CPED1: variants seen among roughly 807,000 people sequenced by gnomAD.
The protein encoded by CPED1 is cadherin-like and PC-esterase domain-containing protein 1.
CPED1 carries 114 observed loss-of-function variants against 128.2 expected under a neutral mutation model. The ratio of observed to expected loss-of-function variants is 0.89; its 90% CI spans 0.76 to 1.04. CPED1 has a LOEUF of 1.04. Ranked by LOEUF, CPED1 falls within the 50% of genes least tolerant of loss-of-function variation. The probability of loss-of-function intolerance (pLI) is 0.00; values close to 1 mark genes in which losing one functional copy is unlikely to be tolerated. For missense variants in CPED1, 1,211 were observed against 1,207.1 expected (o/e 1.00, Z -0.05); for synonymous variants, 462 against 426.7 (o/e 1.08, Z -1.02).
chr7:121,071,713 T>C (rs1345323146), intron 5 of CPED1, among the ~76,000 whole-genome samples: 1 of 152,038 alleles, frequency 6.6e-6, no homozygotes, highest in Non-Finnish European at 1.5e-5. Flanking sequence ...ACTTGTCACT[T>C]GGGTTAATTT....
intron 5 of CPED1, among the ~76,000 whole-genome samples, chr7:121,090,565 A>G (rs1794548466): frequency 6.6e-6 from 1 of 152,246 alleles, no homozygotes; most frequent in Admixed American, 6.5e-5. Flanking sequence ...ATTCTGTACT[A>G]ATATACCTTT....
At chr7:121,014,424 GCCTGTAGTC>G (rs947788552) in intron 2 of CPED1, among the ~76,000 whole-genome samples, 1 of 151,862 alleles carries the variant, frequency 6.6e-6, no homozygotes, top group Non-Finnish European at 1.5e-5. Context: ...GGTGGCGGGT[GCCTGTAGTC>G]CCAGCTACTT....
intron 16 of CPED1, among the ~76,000 whole-genome samples, chr7:121,212,277 C>A (rs749525332): frequency 3.9e-5 from 6 of 151,964 alleles, no homozygotes; most frequent in Non-Finnish European, 8.8e-5. Context: ...TGGCTAAGGA[C>A]TGAATTGCAA....
At chr7:121,215,868 C>T (rs1339082008) in intron 16 of CPED1, among the ~76,000 whole-genome samples, 1 of 151,838 alleles carries the variant, frequency 6.6e-6, no homozygotes, top group African/African-American at 2.4e-5. Flanking sequence ...TTTGGCCAAG[C>T]AAGTATTAAG....
chr7:121,005,441 C>G (rs1174961523), intron 2 of CPED1, among the ~76,000 whole-genome samples: 1 of 151,294 alleles, frequency 6.6e-6, no homozygotes, highest in Non-Finnish European at 1.5e-5. Context: ...GGGTATATAC[C>G]CAGTAATGGG....
intron 5 of CPED1, among the ~76,000 whole-genome samples, chr7:121,089,411 A>T (rs2116179025): frequency 6.6e-6 from 1 of 152,338 alleles, no homozygotes; most frequent in South Asian, 2.1e-4. Context: ...TTATTATACC[A>T]AAAATACCAG....
intron 16 of CPED1, among the ~76,000 whole-genome samples, chr7:121,171,919 T>C (rs796353170): frequency 1.6e-4 from 25 of 152,376 alleles, no homozygotes; most frequent in African/African-American, 6.0e-4. Flanking sequence ...ACTATGACTT[T>C]GGAATCTGGA....
chr7:121,228,285 A>G (rs1304078181), intron 16 of CPED1, among the ~76,000 whole-genome samples: 2 of 152,032 alleles, frequency 1.3e-5, no homozygotes, highest in East Asian at 3.9e-4. Context: ...AACTCAAACA[A>G]CAAGTGAAAA....
chr7:121,075,100 A>G (rs10953925), intron 5 of CPED1, among the ~76,000 whole-genome samples: 59,289 of 151,976 alleles, frequency 0.39, 12,538 homozygotes, highest in Non-Finnish European at 0.49. Flanking sequence ...CAGCATTACT[A>G]GAGGTACTTT....
chr7:121,101,764 G>C (rs1563026204), intron 7 of CPED1, among the ~76,000 whole-genome samples: 1 of 152,076 alleles, frequency 6.6e-6, no homozygotes, highest in African/African-American at 2.4e-5. Flanking sequence ...CACATAGTGA[G>C]AGAGGGAGCA....
intron 7 of CPED1, among the ~76,000 whole-genome samples, chr7:121,105,743 A>G (rs938005297): frequency 1.3e-5 from 2 of 152,166 alleles, no homozygotes; most frequent in African/African-American, 2.4e-5. Context: ...ATCAGCCCAC[A>G]TTGATGTTAG....
chr7:121,151,933 A>G (rs1796169052), intron 16 of CPED1, among the ~76,000 whole-genome samples: 3 of 152,210 alleles, frequency 2.0e-5, no homozygotes, highest in Admixed American at 2.0e-4. Flanking sequence ...TTCCTTGCAG[A>G]TGGTTTCACT....
intron 7 of CPED1, 123 bp downstream of exon 7, chr7:121,100,217 T>C: frequency 1.2e-6 from 1 of 838,564 alleles, no homozygotes; most frequent in Non-Finnish European, 1.8e-6. Flanking sequence ...CACATCTTTT[T>C]TATTGCCGCA....
In CPED1 at chr7:121,271,393, A is replaced by G. The variant is rs1023654870; in HGVS notation, c.2831A>G (p.Glu944Gly). ...ACTATAACAATGGGGCGTTACAAAG[A>G]GTTTCTACAGGGGAAGTGTGGATGT... ...TFTITMGRYK[E>G]FLQGKCGCHF... is the part of the protein sequence containing the mutation. The change falls in exon 22 of 23, where the codon GAG becomes GGG. Residue 944 changes from glutamate to glycine, a missense_variant. By Grantham distance (98) the Glu-to-Gly change is moderately conservative. Transcript: ENST00000310396. The G allele has an allele frequency of 1.9e-6, 3 of 1,612,932 alleles. No homozygotes were observed. The highest frequency in any genetic ancestry group is 3.3e-4 in the Middle Eastern group (2 of 6,050).
At chr7:121,065,917 A>T (rs1340695456) in intron 5 of CPED1, among the ~76,000 whole-genome samples, 1 of 152,080 alleles carries the variant, frequency 6.6e-6, no homozygotes, top group East Asian at 1.9e-4. Context: ...ATCTTTCTCT[A>T]GATGAAGATA....
At chr7:121,247,677 C>T (rs187872434) in intron 18 of CPED1, among the ~76,000 whole-genome samples, 1 of 151,970 alleles carries the variant, frequency 6.6e-6, no homozygotes, top group Non-Finnish European at 1.5e-5. Flanking sequence ...ACAGGGGACC[C>T]AACATACCCC....
chr7:121,103,412 A>G (rs925407903), intron 7 of CPED1, among the ~76,000 whole-genome samples: 3 of 152,202 alleles, frequency 2.0e-5, no homozygotes, highest in African/African-American at 7.2e-5. Flanking sequence ...GATAAGTTTC[A>G]GAAAACAAGA....
chr7:121,122,220 A>T (rs180844213), intron 7 of CPED1, among the ~76,000 whole-genome samples: 2 of 147,862 alleles, frequency 1.4e-5, no homozygotes, highest in East Asian at 4.0e-4. Context: ...GGATCACTAC[A>T]GCATCTGCCT....
chr7:121,052,358 G>A (rs766935425), intron 4 of CPED1, among the ~76,000 whole-genome samples: 11 of 152,168 alleles, frequency 7.2e-5, no homozygotes, highest in Admixed American at 2.0e-4. Flanking sequence ...TGGACAACAC[G>A]AAGTCACACG....
Sources: allele counts gnomAD v4.1 joint callset (sites outside exome capture counted in the v4.1 genomes callset), GRCh38; gene constraint gnomAD v4.1.1; transcripts MANE v1.5; gene names NCBI Gene and HGNC (gene_info 2026-07-23, HGNC 2026-07-21).